The following RPGRIP1 variants were observed in gnomAD, a reference collection of about 807,000 sequenced individuals.
The protein encoded by RPGRIP1 is RPGR interacting protein 1, also known as X-linked retinitis pigmentosa GTPase regulator-interacting protein 1.
In RPGRIP1, 128 loss-of-function variants were observed where a neutral mutation model predicts 157.9. The ratio of observed to expected loss-of-function variants is 0.81; its 90% CI spans 0.70 to 0.94. The LOEUF (loss-of-function observed/expected upper bound fraction) is 0.94. Among genes scored for constraint, RPGRIP1 ranks in the 40% least tolerant of loss-of-function variants. RPGRIP1 has a pLI of 0.00. For synonymous variants in RPGRIP1, 554 were observed against 571.6 expected, an observed-to-expected ratio of 0.97 and a Z score of 0.44; for missense variants, 1,486 against 1,545.8, an observed-to-expected ratio of 0.96 and a Z score of 0.65.
At chr14:21,340,121 AGT>A (rs1374391712) in intron 21 of RPGRIP1, among the ~76,000 whole-genome samples, 1 of 152,138 alleles carries the variant, frequency 6.6e-6, no homozygotes, top group Non-Finnish European at 1.5e-5. Context: ...GGAATTGGTA[AGT>A]GTAAAGGCCC....
At chr14:21,293,338 G>C (rs1043899715) in intron 2 of RPGRIP1, among the ~76,000 whole-genome samples, 2 of 152,098 alleles carry the variant, frequency 1.3e-5, no homozygotes, top group Non-Finnish European at 2.9e-5. Context: ...AAACAAACGA[G>C]ATGGTTCTTG....
At chr14:21,294,546 T>C in intron 2 of RPGRIP1, 131 bp from the exon 3 acceptor site, 1 of 912,496 alleles carries the variant, frequency 1.1e-6, no homozygotes, top group Non-Finnish European at 1.6e-6. Context: ...TTTCTCATAC[T>C]TCCTGATTTC....
At chr14:21,334,302 C>G (rs1224459522) in intron 20 of RPGRIP1, among the ~76,000 whole-genome samples, 1 of 152,074 alleles carries the variant, frequency 6.6e-6, no homozygotes, top group Non-Finnish European at 1.5e-5. Flanking sequence ...TTCTTCAGCC[C>G]CCACAAAAGG....
intron 17 of RPGRIP1, 71 bp from the exon 18 acceptor site, chr14:21,327,552 T>C (rs1883238459): frequency 8.1e-7 from 1 of 1,237,922 alleles, no homozygotes; most frequent in South Asian, 1.3e-5. Context: ...AGGAAGTAGA[T>C]AAGGTGCTGA....
intron 24 of RPGRIP1, among the ~76,000 whole-genome samples, chr14:21,350,376 C>CAAA (rs765881214): frequency 9.0e-5 from 2 of 22,192 alleles, no homozygotes; most frequent in East Asian, 1.1e-3. Context: ...ACTCTGTCTC[C>CAAA]AAAAAAAAAA....
chr14:21,293,940 C>A (rs1880645788), intron 2 of RPGRIP1, among the ~76,000 whole-genome samples: 1 of 149,308 alleles, frequency 6.7e-6, no homozygotes, highest in Non-Finnish European at 1.5e-5. Context: ...GCAATCCCAG[C>A]TACTCTGGAG....
chr14:21,337,585 G>A (rs1884504098), intron 21 of RPGRIP1, among the ~76,000 whole-genome samples: 1 of 150,190 alleles, frequency 6.7e-6, no homozygotes, highest in African/African-American at 2.5e-5. Flanking sequence ...GGGACCACAG[G>A]TGTGTGTCAC....
In RPGRIP1 at chr14:21,351,165, T is replaced by C. The variant is rs1886246140; in HGVS notation, c.3810T>C (p.Ala1270=). Residue 1270 remains alanine (A), a synonymous_variant, in exon 25 of 25, where the codon GCT becomes GCC. Transcript: ENST00000400017. ...GGCTGAAGGTTTCCCTTCAAGCAGC[T>C]GCTGTCCTCCATGCTATTTACAAGG... ...IGRLKVSLQA[A]AVLHAIYKEM... The C allele has an allele frequency of 6.2e-7, 1 of 1,612,894 alleles. No homozygotes were observed. Among genetic ancestry groups the C allele is most frequent in the Admixed American group, 1.7e-5 (1 of 59,906 alleles).
intron 24 of RPGRIP1, 49 bp from the exon 25 acceptor site, chr14:21,351,055 T>G (rs749066320): frequency 3.9e-6 from 4 of 1,023,206 alleles, no homozygotes; most frequent in Non-Finnish European, 6.0e-6. Flanking sequence ...AAATACCAAG[T>G]ATCAAAGTGT....
At chr14:21,289,945 C>T (rs907804294) in intron 2 of RPGRIP1, among the ~76,000 whole-genome samples, 10 of 152,130 alleles carry the variant, frequency 6.6e-5, no homozygotes, top group African/African-American at 2.2e-4. Flanking sequence ...CAACCTCTGC[C>T]TCCCGGGTTC....
intron 2 of RPGRIP1, among the ~76,000 whole-genome samples, chr14:21,294,208 C>T (rs1880660933): frequency 6.6e-6 from 1 of 150,478 alleles, no homozygotes; most frequent in Non-Finnish European, 1.5e-5. Flanking sequence ...TCTCCAGGGA[C>T]CCAGTAGGAG....
At chr14:21,292,629 G>C (rs2139140491) in intron 2 of RPGRIP1, among the ~76,000 whole-genome samples, 1 of 151,460 alleles carries the variant, frequency 6.6e-6, no homozygotes, top group South Asian at 2.1e-4. Context: ...ATCACCTGAG[G>C]TCAGAAGTTT....
chr14:21,328,721 A>T (rs529959976), intron 19 of RPGRIP1, 94 bp downstream of exon 19: 4 of 911,718 alleles, frequency 4.4e-6, no homozygotes, highest in Admixed American at 4.4e-5. Context: ...AGAAGCAGAC[A>T]CACAAGATAA....
chr14:21,332,571 T>C (rs1883896569), intron 20 of RPGRIP1, among the ~76,000 whole-genome samples: 1 of 152,344 alleles, frequency 6.6e-6, no homozygotes, highest in Non-Finnish European at 1.5e-5. Context: ...CAGACCTGAA[T>C]GCGGGGTTCC....
At chr14:21,286,854 C>T (rs573371713) in intron 1 of RPGRIP1, among the ~76,000 whole-genome samples, 1 of 151,868 alleles carries the variant, frequency 6.6e-6, no homozygotes, top group African/African-American at 2.4e-5. Flanking sequence ...CATATACATA[C>T]ATAGTATTTA....
chr14:21,290,377 A>T (rs990083046), intron 2 of RPGRIP1, among the ~76,000 whole-genome samples: 4 of 152,186 alleles, frequency 2.6e-5, no homozygotes, highest in African/African-American at 4.8e-5. Flanking sequence ...TTTTTAAAAA[A>T]ATATATTCTT....
chr14:21,340,605 A>T (rs1884896605), intron 21 of RPGRIP1, among the ~76,000 whole-genome samples: 1 of 152,112 alleles, frequency 6.6e-6, no homozygotes, highest in Non-Finnish European at 1.5e-5. Flanking sequence ...CAGTGAGCCG[A>T]CGTCGCACCG....
intron 17 of RPGRIP1, among the ~76,000 whole-genome samples, chr14:21,326,921 A>C (rs1883174882): frequency 6.6e-6 from 1 of 151,758 alleles, no homozygotes; most frequent in Non-Finnish European, 1.5e-5. Flanking sequence ...TGTCTTTCCT[A>C]ACTTTTATAC....
intron 3 of RPGRIP1, among the ~76,000 whole-genome samples, chr14:21,297,176 T>C (rs1414958761): frequency 6.6e-6 from 1 of 151,816 alleles, no homozygotes; most frequent in African/African-American, 2.4e-5. Context: ...TCACCGGCAA[T>C]CTCTGCCTCC....
Sources: gnomAD v4.1 joint callset for allele counts (sites outside exome capture counted in the v4.1 genomes callset) on GRCh38, gnomAD v4.1.1 for gene constraint, MANE v1.5 for transcripts, NCBI Gene and HGNC (gene_info 2026-07-23, HGNC 2026-07-21) for gene names.